STRBP: variants seen among roughly 807,000 people sequenced by gnomAD.
The protein encoded by STRBP is spermatid perinuclear RNA binding protein.
In STRBP, 13 loss-of-function variants were observed where a neutral mutation model predicts 80.1. The observed-to-expected ratio is 0.16, with a 90% CI of 0.11 to 0.26. The LOEUF is 0.26. STRBP is among the 10% of genes least tolerant of loss of function. The pLI, the probability that STRBP is intolerant of heterozygous loss-of-function variation, is 1.00. For missense variants in STRBP, 485 were observed against 815.2 expected (o/e 0.59, Z 4.93); for synonymous variants, 284 against 291.2 (o/e 0.98, Z 0.25).
At position 123,123,155 on chromosome 9, in the gene STRBP, A is replaced by T. The variant is rs1214385807; in HGVS notation, c.*2442T>A. The T allele has an allele frequency of 1.0e-6, 1 of 985,316 alleles. No homozygotes were observed. Among genetic ancestry groups the T allele is most frequent in the Non-Finnish European group, 1.2e-6 (1 of 829,950 alleles). 61.0% of individuals were successfully genotyped at this position (985,316 alleles called of 1,614,324 possible). ...AGAAGAAATCTTGAGGGCCCAAGTGAATAATAAATGGTGCGACGCTCAGAG... is the reference window on the plus strand; with the variant it reads ...AGAAGAAATCTTGAGGGCCCAAGTGTATAATAAATGGTGCGACGCTCAGAG... On this transcript the variant is annotated 3_prime_UTR_variant, in exon 19 of 19. Coordinates refer to ENST00000348403, the MANE Select transcript of STRBP (RefSeq NM_018387.5).
chr9:123,216,057 A>C (rs1340356978), intron 2 of STRBP, among the ~76,000 whole-genome samples: 2 of 152,192 alleles, frequency 1.3e-5, no homozygotes, highest in Non-Finnish European at 1.5e-5. Flanking sequence ...AATTTTTCAA[A>C]ATACCATCCT....
At chr9:123,238,273 C>T (rs1054064407) in intron 1 of STRBP, among the ~76,000 whole-genome samples, 12 of 152,230 alleles carry the variant, frequency 7.9e-5, no homozygotes, top group Non-Finnish European at 1.6e-4. Context: ...CATAGCAAGA[C>T]TCCCATTTCT....
At position 123,139,666 on chromosome 9, in the gene STRBP, G is replaced by T; in HGVS notation, c.1360C>A (p.Pro454Thr). 1 of 1,611,672 alleles carries T rather than the reference G, an allele frequency of 6.2e-7. No individual in the cohort carries two copies. The highest frequency in any genetic ancestry group is 8.5e-7 in the Non-Finnish European group (1 of 1,179,598). ...AVKVLQAMGY[P>T]TGFDADIECM... ...TCAATATCTGCATCAAAGCCTGTTG[G>T]ATATCCCATTGCCTGCAATACCTGT... The change falls in exon 14 of 19, where the codon CCA becomes ACA. Residue 454 changes from proline to threonine, a missense_variant. By Grantham distance (38) the Pro-to-Thr change is conservative (BLOSUM62 -1). This residue lies in a region of STRBP where 377 missense variants were observed against 616.1 expected (regional missense o/e 0.61). Coordinates refer to ENST00000348403, the MANE Select transcript of STRBP (RefSeq NM_018387.5).
intron 3 of STRBP, among the ~76,000 whole-genome samples, chr9:123,179,868 G>A (rs931099709): frequency 6.6e-6 from 1 of 152,192 alleles, no homozygotes; most frequent in African/African-American, 2.4e-5. Context: ...AGCTTCAAGA[G>A]AGTCGCAGAA....
chr9:123,261,573 A>G (rs2041162097), intron 1 of STRBP, among the ~76,000 whole-genome samples: 1 of 152,224 alleles, frequency 6.6e-6, no homozygotes, highest in Non-Finnish European at 1.5e-5. Flanking sequence ...TATAGTTCTA[A>G]AACATTTACC....
intron 1 of STRBP, among the ~76,000 whole-genome samples, chr9:123,249,777 G>A (rs1389808767): frequency 2.0e-5 from 3 of 152,196 alleles, no homozygotes; most frequent in African/African-American, 7.2e-5. Flanking sequence ...AACCCCTGGA[G>A]GTCCTCAAGA....
Position 123,190,154 on chromosome 9 carries a change from C to T in STRBP, c.-164-5856G>A, listed in dbSNP as rs549999446. Among the ~76,000 whole-genome samples, 10 of 152,198 alleles carry T rather than the reference C, an allele frequency of 6.6e-5. No individual in the cohort carries two copies. In the East Asian group the frequency reaches 1.9e-3, roughly 29 times the overall value. ...AATCAGCCAAACGTGGTGGCACATG[C>T]CTGTAATCTCAGCCACTCGGGAGAC... On this transcript the variant is annotated intron_variant, in intron 2 of 18. Transcript: ENST00000348403.
At chr9:123,132,241 T>C (rs190672638) in intron 17 of STRBP, among the ~76,000 whole-genome samples, 48 of 152,328 alleles carry the variant, frequency 3.2e-4, no homozygotes, top group Middle Eastern at 3.4e-3. Context: ...TCTCCCTAAA[T>C]ACCAGTTTCC....
intron 2 of STRBP, among the ~76,000 whole-genome samples, chr9:123,193,167 C>T (rs1414472827): frequency 2.6e-5 from 4 of 152,176 alleles, no homozygotes; most frequent in Non-Finnish European, 4.4e-5. Flanking sequence ...AGCACTTTTT[C>T]AGCTTCCTTT....
chr9:123,211,840 A>G (rs1399904664), intron 2 of STRBP, among the ~76,000 whole-genome samples: 1 of 152,170 alleles, frequency 6.6e-6, no homozygotes, highest in Non-Finnish European at 1.5e-5. Flanking sequence ...TATCCAATAT[A>G]ACAGTATTAA....
intron 17 of STRBP, 55 bp downstream of exon 17, chr9:123,132,790 T>G: frequency 6.2e-7 from 1 of 1,603,480 alleles, no homozygotes; most frequent in East Asian, 2.2e-5. Flanking sequence ...GGAGATGCTA[T>G]TCTTTGAATT....
At chr9:123,256,343 T>C (rs2041029859) in intron 1 of STRBP, among the ~76,000 whole-genome samples, 3 of 151,792 alleles carry the variant, frequency 2.0e-5, no homozygotes, top group African/African-American at 7.3e-5. Context: ...CCTTTATTGC[T>C]TTCCCCCCAA....
chr9:123,112,205 G>GTGGC (rs2035578971), intron 3 of STRBP: 1 of 166,848 alleles, frequency 6.0e-6, no homozygotes. Flanking sequence ...CTGCCGGCCT[G>GTGGC]TGGCTGGTCC....
At chr9:123,208,739 C>A (rs1048009791) in intron 2 of STRBP, among the ~76,000 whole-genome samples, 1 of 152,160 alleles carries the variant, frequency 6.6e-6, no homozygotes, top group Non-Finnish European at 1.5e-5. Flanking sequence ...ATCCCCTAGC[C>A]ACATACTTCT....
intron 1 of STRBP, among the ~76,000 whole-genome samples, chr9:123,249,383 A>C (rs2040865375): frequency 6.8e-6 from 1 of 147,762 alleles, no homozygotes; most frequent in Non-Finnish European, 1.5e-5. Flanking sequence ...TGTCTCAAAA[A>C]AATAAAAATA....
At position 123,124,821 on chromosome 9, in the gene STRBP, C is replaced by T. The variant is rs533657513; in HGVS notation, c.*776G>A. 5 of 985,412 alleles carry T rather than the reference C, an allele frequency of 5.1e-6. No individual in the cohort carries two copies. The African/African-American group carries it at 7.0e-5, about 14-fold the overall frequency. The allele number at this position is 985,412 out of a possible 1,614,324, so 61.0% of individuals were successfully genotyped here. A position where few individuals can be genotyped will look rare whatever the true frequency, so the allele number is the denominator to read the frequency against. On this transcript the variant is annotated 3_prime_UTR_variant, in exon 19 of 19. Coordinates refer to ENST00000348403, the MANE Select transcript of STRBP (RefSeq NM_018387.5). ...TGCCATCATTTTAATAAGCAATGCTCAAATAACAGAATGGAACCTTTATCA... is the reference window on the plus strand; with the variant it reads ...TGCCATCATTTTAATAAGCAATGCTTAAATAACAGAATGGAACCTTTATCA...
At chr9:123,248,051 C>T (rs1189938188) in intron 1 of STRBP, among the ~76,000 whole-genome samples, 2 of 152,096 alleles carry the variant, frequency 1.3e-5, no homozygotes, top group Non-Finnish European at 2.9e-5. Context: ...AGCATTAAAA[C>T]ATTTCTATGA....
chr9:123,200,457 C>T (rs2039273723), intron 2 of STRBP, among the ~76,000 whole-genome samples: 1 of 151,984 alleles, frequency 6.6e-6, no homozygotes, highest in Non-Finnish European at 1.5e-5. Flanking sequence ...GATTCCTTCT[C>T]TCAATCTTTT....
chr9:123,232,778 G>T (rs988848423), intron 2 of STRBP, among the ~76,000 whole-genome samples: 1 of 152,192 alleles, frequency 6.6e-6, no homozygotes, highest in African/African-American at 2.4e-5. Context: ...GAGCCTTCTG[G>T]TTCTTGGTTC....
Sources: gnomAD v4.1 joint callset for allele counts (sites outside exome capture counted in the v4.1 genomes callset) on GRCh38, gnomAD v4.1.1 for gene constraint, gnomAD v4.1.1 regional missense constraint, MANE v1.5 for transcripts, NCBI Gene and HGNC (gene_info 2026-07-23, HGNC 2026-07-21) for gene names.